Variants in SFMBT2 observed in about 807,000 individuals in gnomAD.
The protein encoded by SFMBT2 is scm-like with four MBT domains protein 2.
In SFMBT2, 38 loss-of-function variants were observed where a neutral mutation model predicts 110.1. That is an observed-to-expected ratio of 0.35 (90% CI 0.27 to 0.45). SFMBT2 has a LOEUF of 0.45. Ranked by LOEUF, SFMBT2 falls within the 20% of genes least tolerant of loss-of-function variation. SFMBT2 has a pLI of 1.00. For synonymous variants in SFMBT2, 425 were observed against 425.4 expected, an observed-to-expected ratio of 1.00 and a Z score of 0.01; for missense variants, 1,011 against 1,094.9, an observed-to-expected ratio of 0.92 and a Z score of 1.08.
chr10:7,210,348 A>G (rs1839300525), intron 11 of SFMBT2, among the ~76,000 whole-genome samples: 1 of 152,122 alleles, frequency 6.6e-6, no homozygotes, highest in Non-Finnish European at 1.5e-5. Flanking sequence ...CTTCACTCAG[A>G]GCGAATCACA....
At chr10:7,237,420 C>T (rs1840290838) in intron 9 of SFMBT2, among the ~76,000 whole-genome samples, 1 of 152,108 alleles carries the variant, frequency 6.6e-6, no homozygotes, top group African/African-American at 2.4e-5. Flanking sequence ...ATATGCATAG[C>T]GCATTATATA....
intron 4 of SFMBT2, among the ~76,000 whole-genome samples, chr10:7,330,940 G>A (rs185471493): frequency 2.6e-5 from 4 of 152,308 alleles, no homozygotes; most frequent in Admixed American, 1.3e-4. Context: ...AGCAGTTTGC[G>A]GTCATCTTCA....
intron 16 of SFMBT2, among the ~76,000 whole-genome samples, chr10:7,178,749 T>C (rs771063057): frequency 6.6e-6 from 1 of 152,236 alleles, no homozygotes; most frequent in South Asian, 2.1e-4. Flanking sequence ...CGATGGGTTC[T>C]TGTTTTAAAA....
chr10:7,168,586 A>G (rs902219572), intron 20 of SFMBT2, among the ~76,000 whole-genome samples: 1 of 152,252 alleles, frequency 6.6e-6, no homozygotes, highest in African/African-American at 2.4e-5. Context: ...CCAAACATGC[A>G]TGACCAGCGC....
chr10:7,311,612 C>A (rs1318514251), intron 4 of SFMBT2, among the ~76,000 whole-genome samples: 4 of 152,172 alleles, frequency 2.6e-5, no homozygotes, highest in Non-Finnish European at 5.9e-5. Flanking sequence ...AATCACCACC[C>A]TTCAGTTAAA....
At chr10:7,302,862 T>C (rs1292231542) in intron 4 of SFMBT2, among the ~76,000 whole-genome samples, 2 of 152,226 alleles carry the variant, frequency 1.3e-5, no homozygotes, top group African/African-American at 4.8e-5. Context: ...ACTCTCTCTC[T>C]CTTTTTCTTT....
chr10:7,274,183 G>C (rs577255602), intron 7 of SFMBT2, among the ~76,000 whole-genome samples: 4 of 152,094 alleles, frequency 2.6e-5, no homozygotes, highest in Non-Finnish European at 5.9e-5. Context: ...GTAACCCCTC[G>C]TCTTCTTAAG....
chr10:7,215,543 TCCAGGGCAC>T, intron 11 of SFMBT2: 1 of 985,380 alleles, frequency 1.0e-6, no homozygotes, highest in Non-Finnish European at 1.2e-6. Context: ...ACATGGGGGC[TCCAGGGCAC>T]TGCTCTGCTC....
chr10:7,398,610 C>A (rs1447117724), intron 1 of SFMBT2, among the ~76,000 whole-genome samples: 1 of 151,890 alleles, frequency 6.6e-6, no homozygotes, highest in African/African-American at 2.4e-5. Flanking sequence ...TTTGTGGGTA[C>A]ATGGTGTAAA....
In SFMBT2 at chr10:7,172,333, T is replaced by C. The variant is rs907116674; in HGVS notation, c.2151+162A>G. 16 of 985,210 alleles carry C rather than the reference T, an allele frequency of 1.6e-5. No homozygotes were observed. In the East Asian group the frequency reaches 6.8e-4, roughly 42 times the overall value. The allele number at this position is 985,210 out of a possible 1,614,324, so 61.0% of individuals were successfully genotyped here. On this transcript the variant is annotated intron_variant, in intron 18 of 20. Coordinates refer to ENST00000397167, the MANE Select transcript of SFMBT2 (RefSeq NM_001387889.1). The surrounding 1 kb of genome is among the most constrained non-coding windows in gnomAD (Gnocchi z 4.6). Reference sequence around the variant, plus strand: ...TCCCAGCCAAAGCAGCTGGACACACTACATTTGTTTTCAGCAAGTAAGGAG... The same window carrying C: ...TCCCAGCCAAAGCAGCTGGACACACCACATTTGTTTTCAGCAAGTAAGGAG...
intron 7 of SFMBT2, among the ~76,000 whole-genome samples, chr10:7,256,443 G>A (rs757399046): frequency 5.9e-5 from 9 of 152,244 alleles, no homozygotes; most frequent in Non-Finnish European, 1.2e-4. Context: ...TTAATTCCTC[G>A]CACTTTTCAG....
intron 7 of SFMBT2, among the ~76,000 whole-genome samples, chr10:7,270,626 G>C (rs1288209270): frequency 6.6e-6 from 1 of 152,172 alleles, no homozygotes; most frequent in Non-Finnish European, 1.5e-5. Context: ...TGCCTCATGA[G>C]AGGCCCAAAA....
chr10:7,200,445 G>T lies in SFMBT2; in HGVS notation c.1527C>A (p.Asp509Glu), dbSNP rs759868939. 6.2e-7 allele frequency: 1 copy of T among 1,601,412 alleles called. No individual in the cohort carries two copies. The highest frequency in any genetic ancestry group is 2.3e-5 in the East Asian group (1 of 43,998). ...TGTCCAGGTGAGGGAATAAACAAAGGTCATGAGGTATTTTCTTAACAGGCA... is the reference window on the plus strand; with the variant it reads ...TGTCCAGGTGAGGGAATAAACAAAGTTCATGAGGTATTTTCTTAACAGGCA... Reference protein sequence around the residue: ...PTVPVKKIPHDLCLFPHLDTT... With the variant: ...PTVPVKKIPHELCLFPHLDTT... Residue 509 changes from aspartate (D) to glutamate (E), a missense_variant, in exon 14 of 21, where the codon GAC (aspartate) becomes GAA (glutamate). By Grantham distance (45) the Asp-to-Glu change is conservative (BLOSUM62 2). Transcript: ENST00000397167.
In SFMBT2 at chr10:7,293,083, G is replaced by A. The variant is rs1842307561; in HGVS notation, c.437-7129C>T. 6.6e-6 allele frequency among the ~76,000 whole-genome samples: 1 copy of A among 152,170 alleles called. No homozygotes were observed. Among genetic ancestry groups the A allele is most frequent in the Non-Finnish European group, 1.5e-5 (1 of 68,034 alleles). ...CAGTGATGACATTAGGGTGAAAGGA[G>A]TCTCACTCTGTCTGGAATGCAGTGG... On this transcript the variant is annotated intron_variant, in intron 4 of 20. Transcript: ENST00000397167. The surrounding 1 kb of genome is among the most constrained non-coding windows in gnomAD (Gnocchi z 4.6).
intron 8 of SFMBT2, 93 bp from the exon 9 acceptor site, chr10:7,243,798 T>C (rs139542390): frequency 1.5e-6 from 1 of 679,872 alleles, no homozygotes; most frequent in East Asian, 2.7e-5. Flanking sequence ...CAAAGGCAAT[T>C]AATATAGTTC....
intron 9 of SFMBT2, among the ~76,000 whole-genome samples, chr10:7,233,638 A>G (rs1840174890): frequency 6.6e-6 from 1 of 152,262 alleles, no homozygotes; most frequent in African/African-American, 2.4e-5. Flanking sequence ...CTAAGTTCTA[A>G]GAACAGGTTC....
chr10:7,214,280 A>T (rs1229598477), intron 11 of SFMBT2, among the ~76,000 whole-genome samples: 1 of 152,232 alleles, frequency 6.6e-6, no homozygotes, highest in East Asian at 1.9e-4. Context: ...AGGTGAAGAG[A>T]GGACAGTGGC....
chr10:7,217,666 G>A (rs1283110336), intron 11 of SFMBT2, among the ~76,000 whole-genome samples: 1 of 152,174 alleles, frequency 6.6e-6, no homozygotes, highest in African/African-American at 2.4e-5. Flanking sequence ...GAAATGAATA[G>A]AAAGTCACTT....
At chr10:7,284,488 A>C (rs545538125) in intron 5 of SFMBT2, 746 of 991,018 alleles carry the variant, frequency 7.5e-4, no homozygotes, top group Non-Finnish European at 8.6e-4. Flanking sequence ...AGTTCTACCC[A>C]AATTTGCCTG....
Sources: allele counts gnomAD v4.1 joint callset (sites outside exome capture counted in the v4.1 genomes callset), GRCh38; gene constraint gnomAD v4.1.1; non-coding constraint Gnocchi (gnomAD v3.1); transcripts MANE v1.5; gene names NCBI Gene and HGNC (gene_info 2026-07-23, HGNC 2026-07-21).